Variants in EGFR observed in about 807,000 individuals in gnomAD.
The protein encoded by EGFR is epidermal growth factor receptor.
A neutral mutation model predicts 143.0 loss-of-function variants in EGFR; 58 were observed. That is an observed-to-expected ratio of 0.41 (90% CI 0.33 to 0.50). The LOEUF (loss-of-function observed/expected upper bound fraction) is 0.50. EGFR is among the 20% of genes least tolerant of loss of function. The pLI is 0.39. For missense variants in EGFR, 1,307 were observed against 1,579.0 expected (o/e 0.83, Z 2.92); for synonymous variants, 613 against 594.4 (o/e 1.03, Z -0.45).
At chr7:55,176,149 C>A (rs1786581457) in intron 19 of EGFR, among the ~76,000 whole-genome samples, 1 of 152,184 alleles carries the variant, frequency 6.6e-6, no homozygotes, top group African/African-American at 2.4e-5. Flanking sequence ...TCTTTGTGCA[C>A]AATTTGCTTC....
At chr7:55,142,548 A>G in intron 2 of EGFR, 111 bp downstream of exon 2, 1 of 1,349,550 alleles carries the variant, frequency 7.4e-7, no homozygotes, top group East Asian at 2.3e-5. Flanking sequence ...GGCAATGACA[A>G]GTCTTACAGA....
chr7:55,205,814 C>T lies in EGFR; in HGVS notation c.*197C>T. Reference sequence around the variant, plus strand: ...TTGGGAAGTTGCATTCCTTTGTCTTCAAACTGTGAAGCATTTACAGAAACG... The same window carrying T: ...TTGGGAAGTTGCATTCCTTTGTCTTTAAACTGTGAAGCATTTACAGAAACG... On this transcript the variant is annotated 3_prime_UTR_variant, in exon 28 of 28. Transcript: ENST00000275493. 2 of 718,588 alleles carry T rather than the reference C, an allele frequency of 2.8e-6. No homozygotes were observed. Among genetic ancestry groups the T allele is most frequent in the Non-Finnish European group, 4.6e-6 (2 of 435,558 alleles). 44.5% of individuals were successfully genotyped at this position (718,588 alleles called of 1,614,324 possible).
Position 55,086,204 on chromosome 7 carries a change from G to A in EGFR, c.89-56082G>A, listed in dbSNP as rs188227706. Among the ~76,000 whole-genome samples the A allele has an allele frequency of 2.6e-5, 4 of 152,314 alleles. No homozygotes were observed. The East Asian group carries it at 7.7e-4, about 29-fold the overall frequency. ...CTCAGAGAGAGTAAGTAATTTGCTC[G>A]AGTTAAAGAGCTGGCCAGGACAGCC... On this transcript the variant is annotated intron_variant, in intron 1 of 27. Transcript: ENST00000275493.
At chr7:55,122,408 G>A (rs1793261731) in intron 1 of EGFR, among the ~76,000 whole-genome samples, 1 of 152,190 alleles carries the variant, frequency 6.6e-6, no homozygotes, top group South Asian at 2.1e-4. Context: ...GTCCTCAATG[G>A]GCTGCTGGTG....
chr7:55,169,882 T>C (rs762982695), intron 15 of EGFR, among the ~76,000 whole-genome samples: 8 of 152,200 alleles, frequency 5.3e-5, no homozygotes, highest in Non-Finnish European at 1.0e-4. Context: ...TAAGACTGCA[T>C]CTTGTAGAAA....
chr7:55,151,024 A>G (rs1340955761), intron 4 of EGFR, among the ~76,000 whole-genome samples: 3 of 152,228 alleles, frequency 2.0e-5, no homozygotes, highest in African/African-American at 7.2e-5. Context: ...CCTCAAATTC[A>G]TGAAAAATTC....
intron 15 of EGFR, among the ~76,000 whole-genome samples, chr7:55,169,035 C>A (rs1786211000): frequency 6.6e-6 from 1 of 152,096 alleles, no homozygotes; most frequent in Non-Finnish European, 1.5e-5. Context: ...TTCCAAAAGC[C>A]CTACCTTCCA....
Position 55,165,346 on chromosome 7 carries a change from G to T in EGFR, c.1789G>T (p.Ala597Ser), listed in dbSNP as rs757419349. Reference protein sequence around the residue: ...DGPHCVKTCPAGVMGENNTLV... With the variant: ...DGPHCVKTCPSGVMGENNTLV... The stretch of plus-strand genomic sequence containing the variant: ...CCCCCACTGCGTCAAGACCTGCCCG[G>T]CAGGAGTCATGGGAGAAAACAACAC... The change falls in exon 15 of 28, where the codon GCA (alanine) becomes TCA (serine). Residue 597 changes from alanine (A) to serine (S), a missense_variant. Physicochemically the swap from Ala to Ser is moderately conservative, Grantham distance 99. Coordinates refer to ENST00000275493, the MANE Select transcript of EGFR (RefSeq NM_005228.5). 7 of 1,614,060 alleles carry T rather than the reference G, an allele frequency of 4.3e-6. No individual in the cohort carries two copies. In the African/African-American group the frequency reaches 9.3e-5, roughly 22 times the overall value.
At chr7:55,155,128 C>T (rs759213160) in intron 7 of EGFR, among the ~76,000 whole-genome samples, 2 of 152,176 alleles carry the variant, frequency 1.3e-5, no homozygotes, top group African/African-American at 2.4e-5. Context: ...TGAGGATCTT[C>T]TTGGGGAACT....
intron 19 of EGFR, among the ~76,000 whole-genome samples, chr7:55,177,500 C>T (rs1786651130): frequency 6.6e-6 from 1 of 152,216 alleles, no homozygotes; most frequent in Non-Finnish European, 1.5e-5. Context: ...ATGTTGCTAG[C>T]AGTGGCTTAG....
intron 1 of EGFR, among the ~76,000 whole-genome samples, chr7:55,088,617 A>T (rs574770916): frequency 6.6e-6 from 1 of 152,354 alleles, no homozygotes; most frequent in African/African-American, 2.4e-5. Flanking sequence ...TCCTCTGGGC[A>T]TGCGACCTTT....
intron 1 of EGFR, among the ~76,000 whole-genome samples, chr7:55,130,392 G>A (rs2128919606): frequency 6.6e-6 from 1 of 152,276 alleles, no homozygotes; most frequent in Middle Eastern, 3.4e-3. Flanking sequence ...AAACTTGGCT[G>A]GGGCTTCTCC....
chr7:55,115,373 T>TA (rs947711069), intron 1 of EGFR, among the ~76,000 whole-genome samples: 22 of 152,226 alleles, frequency 1.4e-4, no homozygotes, highest in African/African-American at 5.1e-4. Context: ...AGGATTATTG[T>TA]AAAAACGCCA....
rs776375114 is a variant in EGFR, at chr7:55,202,577, G to C, written c.3223G>C (p.Gly1075Arg). 1 of 1,613,558 alleles carries C rather than the reference G, an allele frequency of 6.2e-7. No individual in the cohort carries two copies. The highest frequency in any genetic ancestry group is 1.3e-5 in the African/African-American group (1 of 75,024). Residue 1075 changes from glycine (G) to arginine (R), a missense_variant, in exon 27 of 28, where the codon GGC becomes CGC. This residue lies in a region of EGFR where 313 missense variants were observed against 312.3 expected (regional missense o/e 1.00). Transcript: ENST00000275493. ...GCAGCGATACAGCTCAGACCCCACA[G>C]GCGCCTTGACTGAGGACAGCATAGA... ...FLQRYSSDPT[G>R]ALTEDSIDDT...
chr7:55,134,177 C>A (rs1200335616), intron 1 of EGFR, among the ~76,000 whole-genome samples: 1 of 151,046 alleles, frequency 6.6e-6, no homozygotes, highest in Non-Finnish European at 1.5e-5. Flanking sequence ...AGTTCCAGGA[C>A]TCAGAACTCA....
intron 1 of EGFR, among the ~76,000 whole-genome samples, chr7:55,141,920 T>C (rs189933381): frequency 1.3e-5 from 2 of 152,362 alleles, no homozygotes; most frequent in South Asian, 2.1e-4. Context: ...AAGATTTTCA[T>C]AGAATTTTCA....
In EGFR at chr7:55,027,975, T is replaced by TA. The variant is rs5884397; in HGVS notation, c.88+8627dup. 3.3e-3 allele frequency among the ~76,000 whole-genome samples: 268 copies of TA among 81,558 alleles called. 4 individuals are homozygous for TA. Among genetic ancestry groups the TA allele is most frequent in the African/African-American group, 6.0e-3 (132 of 21,920 alleles). The allele number at this position is 81,558 out of a possible 152,430, so 53.5% of individuals were successfully genotyped here. On this transcript the variant is annotated intron_variant, in intron 1 of 27. Transcript: ENST00000275493. ...TACCTTGTATATTCATGCCTTTATG[T>TA]AAAAAAAAAAAAAAAAATATATATA...
intron 19 of EGFR, 193 bp from the exon 20 acceptor site, chr7:55,181,100 A>C (rs1786843549): frequency 2.9e-6 from 2 of 689,402 alleles, no homozygotes; most frequent in Non-Finnish European, 4.9e-6. Flanking sequence ...GCCCTCTCCC[A>C]CTGCATCTGT....
rs760800224 is a variant in EGFR at position 55,161,572 on chromosome 7, C to T, written c.1572C>T (p.Val524=). The T allele has an allele frequency of 1.2e-6, 2 of 1,614,172 alleles. No homozygotes were observed. The highest frequency in any genetic ancestry group is 2.7e-5 in the African/African-American group (2 of 74,962). Reference sequence around the variant, plus strand: ...GGGGCCCGGAGCCCAGGGACTGCGTCTCTTGCCGGAATGTCAGCCGAGGCA... The same window carrying T: ...GGGGCCCGGAGCCCAGGGACTGCGTTTCTTGCCGGAATGTCAGCCGAGGCA... ...GCWGPEPRDC[V]SCRNVSRGRE... is the part of the protein sequence containing the mutation. Residue 524 remains valine, a synonymous_variant, in exon 13 of 28, where the codon GTC becomes GTT. Coordinates refer to ENST00000275493, the MANE Select transcript of EGFR (RefSeq NM_005228.5).
Sources: gnomAD v4.1 joint callset for allele counts (sites outside exome capture counted in the v4.1 genomes callset) on GRCh38, gnomAD v4.1.1 for gene constraint, gnomAD v4.1.1 regional missense constraint, MANE v1.5 for transcripts, NCBI Gene and HGNC (gene_info 2026-07-23, HGNC 2026-07-21) for gene names.